PCDH7: variants seen among roughly 807,000 people sequenced by gnomAD.
PCDH7 encodes the protein protocadherin 7, also known as protocadherin-7.
In PCDH7, 17 loss-of-function variants were observed where a neutral mutation model predicts 58.9. The observed-to-expected ratio is 0.29, with a 90% CI of 0.20 to 0.43. The LOEUF is 0.43. Ranked by LOEUF, PCDH7 falls within the 20% of genes least tolerant of loss-of-function variation. The pLI, the probability that PCDH7 is intolerant of heterozygous loss-of-function variation, is 1.00. For synonymous variants in PCDH7, 664 were observed against 616.4 expected, an observed-to-expected ratio of 1.08 and a Z score of -1.14; for missense variants, 1,274 against 1,441.0, an observed-to-expected ratio of 0.88 and a Z score of 1.88.
At chr4:31,039,579 TG>T (rs1346887265) in intron 3 of PCDH7, among the ~76,000 whole-genome samples, 2 of 152,176 alleles carry the variant, frequency 1.3e-5, no homozygotes, top group African/African-American at 2.4e-5. Context: ...TTTATAGTCT[TG>T]CTGCCTCTTC....
chr4:31,072,149 T>C (rs531497468), intron 3 of PCDH7, among the ~76,000 whole-genome samples: 10 of 152,034 alleles, frequency 6.6e-5, no homozygotes, highest in Non-Finnish European at 1.3e-4. Flanking sequence ...TTTTGGCAAA[T>C]AAAAATGACC....
intron 1 of PCDH7, among the ~76,000 whole-genome samples, chr4:30,853,752 CT>C (rs1453269076): frequency 1.3e-5 from 2 of 151,614 alleles, no homozygotes; most frequent in Admixed American, 6.6e-5. Flanking sequence ...ATTAGCATCC[CT>C]TTTTTTTCTG....
intron 3 of PCDH7, among the ~76,000 whole-genome samples, chr4:30,964,268 A>C (rs1748779161): frequency 6.8e-6 from 1 of 147,576 alleles, no homozygotes; most frequent in Non-Finnish European, 1.5e-5. Context: ...TTGAGATGAA[A>C]TCTGGCTCTG....
intron 3 of PCDH7, among the ~76,000 whole-genome samples, chr4:31,005,616 CTTG>C (rs369780616): frequency 2.0e-5 from 3 of 152,160 alleles, no homozygotes; most frequent in African/African-American, 7.2e-5. Context: ...TCTCCCTGTG[CTTG>C]TTAACATTAT....
Position 30,722,346 on chromosome 4 carries a change from C to G in PCDH7, c.924C>G (p.Phe308Leu). The G allele has an allele frequency of 6.2e-7, 1 of 1,612,050 alleles. No homozygotes were observed. Among genetic ancestry groups the G allele is most frequent in the Non-Finnish European group, 8.5e-7 (1 of 1,179,728 alleles). ...ACGTGAACGACAACAGCCCCCGCTT[C>G]GAGAAGAGCGTGTACGAGGCCGACT... The change falls in exon 1 of 2, where the codon TTC (phenylalanine) becomes TTG (leucine). Residue 308 changes from phenylalanine to leucine, a missense_variant. By Grantham distance (22) the Phe-to-Leu change is conservative. This residue lies in a region of PCDH7 where 331 missense variants were observed against 303.2 expected (regional missense o/e 1.09). Transcript: ENST00000361762. The surrounding 1 kb of genome is among the most constrained non-coding windows in gnomAD (Gnocchi z 7.6).
At chr4:30,758,719 T>C (rs531295843) in intron 1 of PCDH7, among the ~76,000 whole-genome samples, 13 of 152,288 alleles carry the variant, frequency 8.5e-5, no homozygotes, top group Admixed American at 5.2e-4. Flanking sequence ...GGTATTGCAC[T>C]AAGTATTGCA....
At chr4:30,794,959 T>A (rs1452088574) in intron 1 of PCDH7, among the ~76,000 whole-genome samples, 1 of 152,162 alleles carries the variant, frequency 6.6e-6, no homozygotes, top group Non-Finnish European at 1.5e-5. Context: ...GAGAGTGATC[T>A]TTCAATTTAA....
chr4:31,111,276 A>G (rs542265872), intron 3 of PCDH7, among the ~76,000 whole-genome samples: 29 of 151,210 alleles, frequency 1.9e-4, no homozygotes, highest in African/African-American at 7.0e-4. Flanking sequence ...GTAATTTACT[A>G]TCTTGAAAAC....
chr4:31,140,155 C>G (rs1720072694), intron 3 of PCDH7, among the ~76,000 whole-genome samples: 1 of 152,068 alleles, frequency 6.6e-6, no homozygotes, highest in African/African-American at 2.4e-5. Context: ...TTTAGGTACA[C>G]AAGTTAAAAA....
intron 3 of PCDH7, among the ~76,000 whole-genome samples, chr4:31,101,448 G>C (rs1354139292): frequency 6.6e-6 from 1 of 152,118 alleles, no homozygotes; most frequent in East Asian, 1.9e-4. Flanking sequence ...TTTGGAGGAC[G>C]TGTGTATGCA....
intron 2 of PCDH7, among the ~76,000 whole-genome samples, chr4:30,921,716 G>T (rs1219026476): frequency 6.6e-6 from 1 of 151,796 alleles, no homozygotes; most frequent in Non-Finnish European, 1.5e-5. Flanking sequence ...GTCTGGTGTG[G>T]TTTCTAAGAG....
chr4:30,822,896 T>A (rs1007975800), intron 1 of PCDH7, among the ~76,000 whole-genome samples: 10 of 152,172 alleles, frequency 6.6e-5, no homozygotes, highest in African/African-American at 2.4e-4. Context: ...AGGATCCTTC[T>A]CATGCATTTT....
chr4:30,858,072 C>CA, intron 1 of PCDH7, among the ~76,000 whole-genome samples: 1 of 152,224 alleles, frequency 6.6e-6, no homozygotes, highest in Non-Finnish European at 1.5e-5. Context: ...TATCTCTGTG[C>CA]AAAAATTGTT....
At chr4:30,926,677 G>A (rs1743916945) in intron 2 of PCDH7, among the ~76,000 whole-genome samples, 2 of 152,140 alleles carry the variant, frequency 1.3e-5, no homozygotes, top group African/African-American at 4.8e-5. Context: ...TATAAATATA[G>A]CAAGGACCTA....
chr4:30,745,952 G>A (rs1717724862), intron 1 of PCDH7, among the ~76,000 whole-genome samples: 1 of 152,044 alleles, frequency 6.6e-6, no homozygotes, highest in Non-Finnish European at 1.5e-5. Flanking sequence ...TGATTCTCCT[G>A]CCTCAGCCTC....
intron 1 of PCDH7, among the ~76,000 whole-genome samples, chr4:30,841,260 C>A (rs1402273426): frequency 3.9e-5 from 6 of 152,006 alleles, no homozygotes; most frequent in African/African-American, 1.4e-4. Flanking sequence ...ACTTATTTTA[C>A]CTTAAGACTT....
intron 1 of PCDH7, among the ~76,000 whole-genome samples, chr4:30,877,365 C>A (rs1179223807): frequency 6.6e-6 from 1 of 152,002 alleles, no homozygotes; most frequent in Non-Finnish European, 1.5e-5. Context: ...TGGTAAAAGT[C>A]TTATAAAAAG....
intron 3 of PCDH7, among the ~76,000 whole-genome samples, chr4:31,061,594 G>A (rs1379239316): frequency 1.3e-5 from 2 of 151,554 alleles, no homozygotes; most frequent in Non-Finnish European, 3.0e-5. Context: ...GTCTTTTGCA[G>A]TAACAAAGCA....
chr4:30,968,357 CACTA>C (rs530590033), intron 3 of PCDH7, among the ~76,000 whole-genome samples: 8,991 of 112,096 alleles, frequency 0.08, 851 homozygotes, highest in East Asian at 0.28. Flanking sequence ...TATATACACA[CACTA>C]TATATATACA....
Sources: allele counts gnomAD v4.1 joint callset (sites outside exome capture counted in the v4.1 genomes callset), GRCh38; gene constraint gnomAD v4.1.1; regional missense constraint gnomAD v4.1.1; non-coding constraint Gnocchi (gnomAD v3.1); transcripts MANE v1.5; gene names NCBI Gene and HGNC (gene_info 2026-07-23, HGNC 2026-07-21).